Variants in ZNF706 observed in about 807,000 individuals in gnomAD.
ZNF706 encodes the protein transcriptional regulator ZNF706.
Under a neutral mutation model 9.2 loss-of-function variants are expected in ZNF706, and 4 were observed. That is an observed-to-expected ratio of 0.43 (90% confidence interval 0.21 to 0.99). ZNF706 has a LOEUF of 0.99. ZNF706 is among the 50% of genes least tolerant of loss of function. ZNF706 has a pLI of 0.26. For synonymous variants in ZNF706, 28 were observed against 27.3 expected (o/e 1.03, Z -0.08); for missense variants, 27 against 87.8 (o/e 0.31, Z 2.77).
Position 101,201,816 on chromosome 8 carries a change from C to T in ZNF706, c.-2-73G>A, listed in dbSNP as rs1302885659. The stretch of plus-strand genomic sequence containing the variant: ...AGAGTAATCAAAGCATAAGAACGTT[C>T]TTAGAATTGAAGCCTTAAGTTTTAT... On this transcript the variant is annotated intron_variant, in intron 1 of 3. Transcript: ENST00000311212. This position sits in a 1 kb window ranked among gnomAD's most constrained non-coding sequence, Gnocchi z 4.5. The T allele has an allele frequency of 6.8e-7, 1 of 1,479,022 alleles. No homozygotes were observed. The highest frequency in any genetic ancestry group is 9.2e-7 in the Non-Finnish European group (1 of 1,090,812). 91.6% of individuals were successfully genotyped at this position (1,479,022 alleles called of 1,614,324 possible). A position where few individuals can be genotyped will look rare whatever the true frequency, so the allele number is the denominator to read the frequency against.
rs1373380852 is a variant in ZNF706 at position 101,197,135 on chromosome 8, C to G, written c.*2117G>C. The G allele has an allele frequency of 6.6e-6, 1 of 152,130 alleles. No individual in the cohort carries two copies. The highest frequency in any genetic ancestry group is 1.5e-5 in the Non-Finnish European group (1 of 68,002). The allele number at this position is 152,130 out of a possible 1,614,324, so 9.4% of individuals were successfully genotyped here. ...TCAGTTAAACATGGGGATGAATATCCATGTGAAGAGAATGGAAACAAGTTT... is the reference window on the plus strand; with the variant it reads ...TCAGTTAAACATGGGGATGAATATCGATGTGAAGAGAATGGAAACAAGTTT... On this transcript the variant is annotated 3_prime_UTR_variant, in exon 4 of 4. Coordinates refer to ENST00000311212, the MANE Select transcript of ZNF706 (RefSeq NM_016096.5).
At position 101,200,150 on chromosome 8, in the gene ZNF706, G is replaced by A. The variant is rs779083320; in HGVS notation, c.136-53C>T. The A allele has an allele frequency of 1.6e-5, 23 of 1,434,612 alleles. No homozygotes were observed. In the South Asian group the frequency reaches 2.4e-4, roughly 15 times the overall value. 88.9% of individuals were successfully genotyped at this position (1,434,612 alleles called of 1,614,324 possible). A position where few individuals can be genotyped will look rare whatever the true frequency, so the allele number is the denominator to read the frequency against. ...TAGACTTTATTTATAAAATAAAAAT[G>A]TGTTACTTTTTAGAATCCTGAACCT... On this transcript the variant is annotated intron_variant, in intron 2 of 3. Transcript: ENST00000311212.
At position 101,204,673 on chromosome 8, in the gene ZNF706, C is replaced by T; in HGVS notation, c.-3+762G>A. 4 of 985,454 alleles carry T rather than the reference C, an allele frequency of 4.1e-6. No homozygotes were observed. The South Asian group carries it at 1.9e-4, about 46-fold the overall frequency. The allele number at this position is 985,454 out of a possible 1,614,324, so 61.0% of individuals were successfully genotyped here. On this transcript the variant is annotated intron_variant, in intron 1 of 3. Coordinates refer to ENST00000311212, the MANE Select transcript of ZNF706 (RefSeq NM_016096.5). ...ACATGCTGGTTTTTAATGCAACTCT[C>T]AGTGTGGTTTTCCGAGGGGGCTGCA...
At position 101,199,059 on chromosome 8, in the gene ZNF706, A is replaced by T. The variant is rs1810464821; in HGVS notation, c.*193T>A. ...GGACTGATTTTCATATTTCCAAATC[A>T]GAGTCAACTGTACATTTACACAGAA... On this transcript the variant is annotated 3_prime_UTR_variant, in exon 4 of 4. Transcript: ENST00000311212. 1 of 453,082 alleles carries T rather than the reference A, an allele frequency of 2.2e-6. No individual in the cohort carries two copies. Among genetic ancestry groups the T allele is most frequent in the Non-Finnish European group, 3.9e-6 (1 of 255,160 alleles). The allele number at this position is 453,082 out of a possible 1,614,324, so 28.1% of individuals were successfully genotyped here.
chr8:101,198,990 A>G lies in ZNF706; in HGVS notation c.*262T>C. ...ATGAGTTATTTTACACAATATGAACATCAATATAATTACAATTGTAAAAAA... is the reference window on the plus strand; with the variant it reads ...ATGAGTTATTTTACACAATATGAACGTCAATATAATTACAATTGTAAAAAA... On this transcript the variant is annotated 3_prime_UTR_variant, in exon 4 of 4. Coordinates refer to ENST00000311212, the MANE Select transcript of ZNF706 (RefSeq NM_016096.5). 1 of 406,544 alleles carries G rather than the reference A, an allele frequency of 2.5e-6. No individual in the cohort carries two copies. The highest frequency in any genetic ancestry group is 4.4e-6 in the Non-Finnish European group (1 of 228,910). 25.2% of individuals were successfully genotyped at this position (406,544 alleles called of 1,614,324 possible).
rs1413853696 is a variant in ZNF706, at chr8:101,201,776, T to C, written c.-2-33A>G. ...CAGAAGGTGAAGCATTAGAGTGGCTTATTTACTCTAATACAGAGTAATCAA... is the reference window on the plus strand; with the variant it reads ...CAGAAGGTGAAGCATTAGAGTGGCTCATTTACTCTAATACAGAGTAATCAA... On this transcript the variant is annotated intron_variant, in intron 1 of 3. Coordinates refer to ENST00000311212, the MANE Select transcript of ZNF706 (RefSeq NM_016096.5). The surrounding 1 kb of genome is among the most constrained non-coding windows in gnomAD (Gnocchi z 4.5). The C allele has an allele frequency of 6.2e-7, 1 of 1,610,810 alleles. No individual in the cohort carries two copies. The highest frequency in any genetic ancestry group is 8.5e-7 in the Non-Finnish European group (1 of 1,177,706).
At chr8:101,202,020 T>C (rs931094454) in intron 1 of ZNF706, among the ~76,000 whole-genome samples, 2 of 152,088 alleles carry the variant, frequency 1.3e-5, no homozygotes, top group African/African-American at 4.8e-5. Context: ...CACCAAGACA[T>C]GTACAAAATG....
At chr8:101,199,343 GT>G in intron 3 of ZNF706, 104 bp from the exon 4 acceptor site, 1 of 658,822 alleles carries the variant, frequency 1.5e-6, no homozygotes, top group South Asian at 1.6e-5. Context: ...ATAATATCTG[GT>G]AAACTTGTCA....
intron 2 of ZNF706, 61 bp from the exon 3 acceptor site, chr8:101,200,158 T>C (rs1810507513): frequency 7.3e-7 from 1 of 1,378,176 alleles, no homozygotes; most frequent in South Asian, 1.2e-5. Flanking sequence ...ATGTGTTACT[T>C]TTTAGAATCC....
intron 1 of ZNF706, chr8:101,203,808 TAAAA>T (rs893404805): frequency 6.6e-6 from 1 of 152,144 alleles, no homozygotes; most frequent in African/African-American, 2.4e-5. Flanking sequence ...ATTTTTGCTT[TAAAA>T]AAAATTATTA....
intron 3 of ZNF706, 116 bp downstream of exon 3, chr8:101,199,874 A>G (rs1227357997): frequency 2.8e-6 from 2 of 702,336 alleles, no homozygotes; most frequent in Admixed American, 2.7e-5. Flanking sequence ...TTAACTTAAA[A>G]AGGGGAAGCA....
At position 101,201,886 on chromosome 8, in the gene ZNF706, C is replaced by G. The variant is rs982532108; in HGVS notation, c.-2-143G>C. On this transcript the variant is annotated intron_variant, in intron 1 of 3. Coordinates refer to ENST00000311212, the MANE Select transcript of ZNF706 (RefSeq NM_016096.5). The surrounding 1 kb of genome is among the most constrained non-coding windows in gnomAD (Gnocchi z 4.5). ...AAATTTATAGGTATTAAAATTCCCACATATAAATGCTACAAAAGTATCAAT... is the reference window on the plus strand; with the variant it reads ...AAATTTATAGGTATTAAAATTCCCAGATATAAATGCTACAAAAGTATCAAT... 1.2e-6 allele frequency: 1 copy of G among 863,898 alleles called. No homozygotes were observed. The highest frequency in any genetic ancestry group is 1.7e-6 in the Non-Finnish European group (1 of 579,186). The allele number at this position is 863,898 out of a possible 1,614,324, so 53.5% of individuals were successfully genotyped here.
rs959013728 is a variant in ZNF706, at chr8:101,197,611, T to G, written c.*1641A>C. ...CATATACATATGCTCAAAGCACTTT[T>G]AAAAACTTTTAAGTTGTGATTTAAC... On this transcript the variant is annotated 3_prime_UTR_variant, in exon 4 of 4. Coordinates refer to ENST00000311212, the MANE Select transcript of ZNF706 (RefSeq NM_016096.5). 4 of 152,178 alleles carry G rather than the reference T, an allele frequency of 2.6e-5. No homozygotes were observed. Among genetic ancestry groups the G allele is most frequent in the Non-Finnish European group, 4.4e-5 (3 of 68,014 alleles). The allele number at this position is 152,178 out of a possible 1,614,324, so 9.4% of individuals were successfully genotyped here.
Position 101,198,321 on chromosome 8 carries a change from A to G in ZNF706, c.*931T>C, listed in dbSNP as rs1810435445. ...ATTAATCCAGCCACAAGTCATTCCA[A>G]TCTTCCTGTTAATGCAAAATCCATT... On this transcript the variant is annotated 3_prime_UTR_variant, in exon 4 of 4. Transcript: ENST00000311212. The G allele has an allele frequency of 6.6e-6, 1 of 152,210 alleles. No homozygotes were observed. The highest frequency in any genetic ancestry group is 2.4e-5 in the African/African-American group (1 of 41,462). 9.4% of individuals were successfully genotyped at this position (152,210 alleles called of 1,614,324 possible).
chr8:101,206,215 G>T, upstream of ZNF706: 1 of 152,386 alleles, frequency 6.6e-6, no homozygotes, highest in East Asian at 1.9e-4. Flanking sequence ...GGCGGACCCA[G>T]CGGCTCTGAA....
intron 1 of ZNF706, chr8:101,204,869 G>C (rs1258996334): frequency 2.6e-5 from 26 of 985,638 alleles, no homozygotes; most frequent in Non-Finnish European, 3.1e-5. Flanking sequence ...GAAAGGAAGA[G>C]GCCCAGGCAG....
chr8:101,205,318 CCGCGACCCCT>C lies in ZNF706; in HGVS notation c.-3+107_-3+116del, dbSNP rs1810717765. ...GCCCCGGGCCGGGCCCTGCCGCCCC[CCGCGACCCCT>C]CGCGACCCGCGGCGAGTCCCACGGT... On this transcript the variant is annotated intron_variant, in intron 1 of 3. Transcript: ENST00000311212. The surrounding 1 kb of genome is among the most constrained non-coding windows in gnomAD (Gnocchi z 6.6). 1 of 151,400 alleles carries C rather than the reference CCGCGACCCCT, an allele frequency of 6.6e-6. No individual in the cohort carries two copies. Among genetic ancestry groups the C allele is most frequent in the Non-Finnish European group, 1.5e-5 (1 of 67,850 alleles). 9.4% of individuals were successfully genotyped at this position (151,400 alleles called of 1,614,324 possible). A position where few individuals can be genotyped will look rare whatever the true frequency, so the allele number is the denominator to read the frequency against.
In ZNF706 at chr8:101,201,774, C is replaced by A. The variant is rs748539363; in HGVS notation, c.-2-31G>T. On this transcript the variant is annotated intron_variant, in intron 1 of 3. Transcript: ENST00000311212. The surrounding 1 kb of genome is among the most constrained non-coding windows in gnomAD (Gnocchi z 4.5). ...AACAGAAGGTGAAGCATTAGAGTGG[C>A]TTATTTACTCTAATACAGAGTAATC... The A allele has an allele frequency of 1.2e-6, 2 of 1,611,074 alleles. No individual in the cohort carries two copies. The highest frequency in any genetic ancestry group is 1.7e-6 in the Non-Finnish European group (2 of 1,178,062).
At position 101,197,931 on chromosome 8, in the gene ZNF706, A is replaced by G. The variant is rs557354440; in HGVS notation, c.*1321T>C. 1.3e-5 allele frequency: 2 copies of G among 152,328 alleles called. No individual in the cohort carries two copies. The highest frequency in any genetic ancestry group is 4.8e-5 in the African/African-American group (2 of 41,592). 9.4% of individuals were successfully genotyped at this position (152,328 alleles called of 1,614,324 possible). A position where few individuals can be genotyped will look rare whatever the true frequency, so the allele number is the denominator to read the frequency against. On this transcript the variant is annotated 3_prime_UTR_variant, in exon 4 of 4. Coordinates refer to ENST00000311212, the MANE Select transcript of ZNF706 (RefSeq NM_016096.5). The stretch of plus-strand genomic sequence containing the variant: ...GAAGAGGGAATGCATTCTGTAATCC[A>G]CAGGATCAGATAAATGGCTCTAAGC...
Sources: gnomAD v4.1 joint callset for allele counts (sites outside exome capture counted in the v4.1 genomes callset) on GRCh38, gnomAD v4.1.1 for gene constraint, Gnocchi (gnomAD v3.1) non-coding constraint, MANE v1.5 for transcripts, NCBI Gene and HGNC (gene_info 2026-07-23, HGNC 2026-07-21) for gene names.